TMEM178B: variants seen among roughly 807,000 people sequenced by gnomAD.
TMEM178B encodes transmembrane protein 178B.
Under a neutral mutation model 31.0 loss-of-function variants are expected in TMEM178B, and 5 were observed. That is an observed-to-expected ratio of 0.16 (90% confidence interval 0.08 to 0.34). TMEM178B has a LOEUF of 0.34. TMEM178B is among the 10% of genes least tolerant of loss of function. The probability of loss-of-function intolerance (pLI) is 1.00; values close to 1 mark genes in which losing one functional copy is unlikely to be tolerated. For missense variants in TMEM178B, 275 were observed against 400.3 expected, an observed-to-expected ratio of 0.69 and a Z score of 2.67; for synonymous variants, 164 against 164.0, an observed-to-expected ratio of 1.00 and a Z score of 0.00.
At chr7:141,191,876 G>A (rs981230206) in intron 1 of TMEM178B, among the ~76,000 whole-genome samples, 4 of 151,904 alleles carry the variant, frequency 2.6e-5, no homozygotes, top group Non-Finnish European at 5.9e-5. Flanking sequence ...TTGGATTTTG[G>A]GTTATAGTTA....
chr7:141,437,649 G>A lies in TMEM178B; in HGVS notation c.538G>A (p.Ala180Thr), dbSNP rs1248155311. 1 of 1,536,164 alleles carries A rather than the reference G, an allele frequency of 6.5e-7. No homozygotes were observed. ...GGCTGGCTTCATGGGCATGGCGGTG[G>A]CCATCATCCTCTTTGGCTGGATCAT... ...MTAGFMGMAVAIILFGWIIGV... is the reference protein window; with the variant it reads ...MTAGFMGMAVTIILFGWIIGV... The change falls in exon 3 of 4, where the codon GCC becomes ACC. Residue 180 changes from alanine to threonine, a missense_variant. Transcript: ENST00000565468.
At chr7:141,089,137 C>T (rs981423099) in intron 1 of TMEM178B, among the ~76,000 whole-genome samples, 5 of 152,182 alleles carry the variant, frequency 3.3e-5, no homozygotes, top group Admixed American at 6.5e-5. Flanking sequence ...CAAATAAATA[C>T]GACAAAATGT....
chr7:141,203,797 G>A (rs1339041995), intron 1 of TMEM178B, among the ~76,000 whole-genome samples: 1 of 152,142 alleles, frequency 6.6e-6, no homozygotes, highest in Non-Finnish European at 1.5e-5. Context: ...GAGATAATAC[G>A]GGAGCCTCTG....
intron 2 of TMEM178B, among the ~76,000 whole-genome samples, chr7:141,357,045 A>G (rs1420192135): frequency 3.3e-5 from 5 of 152,226 alleles, no homozygotes; most frequent in Non-Finnish European, 7.3e-5. Flanking sequence ...ACAAGAGTAG[A>G]TTCTTAAAGA....
chr7:141,426,712 T>G (rs752204120), intron 2 of TMEM178B, among the ~76,000 whole-genome samples: 1 of 152,132 alleles, frequency 6.6e-6, no homozygotes, highest in Non-Finnish European at 1.5e-5. Flanking sequence ...TACTTTTTCA[T>G]GGAAACATAA....
At chr7:141,089,824 T>C (rs1794850503) in intron 1 of TMEM178B, among the ~76,000 whole-genome samples, 2 of 151,412 alleles carry the variant, frequency 1.3e-5, no homozygotes, top group South Asian at 2.1e-4. Flanking sequence ...AACACTTGGA[T>C]ACAGGAAGGG....
At chr7:141,075,097 A>G (rs1324137797) in intron 1 of TMEM178B, among the ~76,000 whole-genome samples, 1 of 152,214 alleles carries the variant, frequency 6.6e-6, no homozygotes, top group African/African-American at 2.4e-5. Context: ...TAATCAAGGA[A>G]AATTGGGGGA....
chr7:141,442,240 C>T (rs1801674161), intron 3 of TMEM178B, among the ~76,000 whole-genome samples: 1 of 152,182 alleles, frequency 6.6e-6, no homozygotes, highest in Non-Finnish European at 1.5e-5. Flanking sequence ...CCCTCCCACA[C>T]TCCCTGGAAG....
At chr7:141,313,205 G>A (rs10215259) in intron 2 of TMEM178B, among the ~76,000 whole-genome samples, 3 of 152,114 alleles carry the variant, frequency 2.0e-5, no homozygotes, top group Admixed American at 6.5e-5. Context: ...AGTACTGACC[G>A]AGTGGGAAAG....
At chr7:141,372,060 CAG>C (rs1464623361) in intron 2 of TMEM178B, among the ~76,000 whole-genome samples, 2 of 152,178 alleles carry the variant, frequency 1.3e-5, no homozygotes, top group Non-Finnish European at 2.9e-5. Flanking sequence ...CAAAGCTTTA[CAG>C]AGAGTTGCCT....
At chr7:141,335,360 C>G (rs1397682714) in intron 2 of TMEM178B, among the ~76,000 whole-genome samples, 1 of 152,222 alleles carries the variant, frequency 6.6e-6, no homozygotes. Flanking sequence ...TCTCTTCTGC[C>G]TCAGCACTTG....
intron 1 of TMEM178B, among the ~76,000 whole-genome samples, chr7:141,148,256 T>G (rs1417413850): frequency 6.6e-6 from 1 of 152,158 alleles, no homozygotes; most frequent in Non-Finnish European, 1.5e-5. Context: ...TGAGATTACA[T>G]TGGGCCTACC....
At chr7:141,277,373 G>T (rs866468304) in intron 2 of TMEM178B, among the ~76,000 whole-genome samples, 1 of 152,064 alleles carries the variant, frequency 6.6e-6, no homozygotes, top group Non-Finnish European at 1.5e-5. Context: ...GCCTAGGCCT[G>T]CATAGGGTTG....
rs575334799 is a variant in TMEM178B, at chr7:141,199,862, T to C, written c.383-12729T>C. Reference sequence around the variant, plus strand: ...GTCAGGAGATCGAGACCATCCTGGCTAACACGGTGAAACCCCATCTCTACT... The same window carrying C: ...GTCAGGAGATCGAGACCATCCTGGCCAACACGGTGAAACCCCATCTCTACT... On this transcript the variant is annotated intron_variant, in intron 1 of 3. Transcript: ENST00000565468. 2.9e-4 allele frequency among the ~76,000 whole-genome samples: 44 copies of C among 152,228 alleles called. No individual in the cohort carries two copies. In the East Asian group the frequency reaches 8.5e-3, roughly 29 times the overall value.
Position 141,298,129 on chromosome 7 carries a change from G to A in TMEM178B, c.496+85425G>A, listed in dbSNP as rs530613300. ...CCAGTGATGATGAGCATTTTTTCATGTGTCTGTTGGTTGCATAAATGTCTT... is the reference window on the plus strand; with the variant it reads ...CCAGTGATGATGAGCATTTTTTCATATGTCTGTTGGTTGCATAAATGTCTT... On this transcript the variant is annotated intron_variant, in intron 2 of 3. Transcript: ENST00000565468. Among the ~76,000 whole-genome samples, 88 of 152,280 alleles carry A rather than the reference G, an allele frequency of 5.8e-4. 2 individuals carry two copies. The South Asian group carries it at 0.017, about 29-fold the overall frequency.
chr7:141,240,781 T>G (rs1464642604), intron 2 of TMEM178B, among the ~76,000 whole-genome samples: 1 of 152,234 alleles, frequency 6.6e-6, no homozygotes, highest in Non-Finnish European at 1.5e-5. Flanking sequence ...CCTCTACTGC[T>G]CTGAGTTTGT....
At chr7:141,123,601 C>T (rs1198696040) in intron 1 of TMEM178B, among the ~76,000 whole-genome samples, 1 of 152,178 alleles carries the variant, frequency 6.6e-6, no homozygotes, top group Non-Finnish European at 1.5e-5. Flanking sequence ...AGACCTTGAC[C>T]TCAGTGGGCT....
intron 2 of TMEM178B, among the ~76,000 whole-genome samples, chr7:141,253,952 C>T (rs1007192912): frequency 6.6e-6 from 1 of 152,146 alleles, no homozygotes; most frequent in African/African-American, 2.4e-5. Context: ...TATCCCAGGG[C>T]AAAGCTATAC....
chr7:141,360,176 A>G (rs1799893467), intron 2 of TMEM178B, among the ~76,000 whole-genome samples: 1 of 152,192 alleles, frequency 6.6e-6, no homozygotes, highest in Non-Finnish European at 1.5e-5. Flanking sequence ...CTTTACCTGC[A>G]TAGAAGCCAC....
Sources: gnomAD v4.1 joint callset for allele counts (sites outside exome capture counted in the v4.1 genomes callset) on GRCh38, gnomAD v4.1.1 for gene constraint, MANE v1.5 for transcripts, NCBI Gene and HGNC (gene_info 2026-07-23, HGNC 2026-07-21) for gene names.